Variants in ASCC1 observed in about 807,000 individuals in gnomAD.
ASCC1 encodes ASC-1 complex subunit P50.
A neutral mutation model predicts 46.6 loss-of-function variants in ASCC1; 35 were observed. The ratio of observed to expected loss-of-function variants is 0.75; its 90% CI spans 0.57 to 0.99. ASCC1 has a LOEUF of 0.99. Ranked by LOEUF, ASCC1 falls within the 50% of genes least tolerant of loss-of-function variation. The pLI is 0.00. For missense variants in ASCC1, 376 were observed against 428.7 expected, an observed-to-expected ratio of 0.88 and a Z score of 1.09; for synonymous variants, 143 against 146.6, an observed-to-expected ratio of 0.98 and a Z score of 0.18.
At chr10:72,171,541 C>G (rs975437270) in intron 5 of ASCC1, among the ~76,000 whole-genome samples, 9 of 152,160 alleles carry the variant, frequency 5.9e-5, no homozygotes, top group Admixed American at 3.9e-4. Flanking sequence ...ATTCTCCTAC[C>G]TCAGCCTCCT....
Position 72,128,085 on chromosome 10 carries a change from T to C in ASCC1, c.954A>G (p.Leu318=), listed in dbSNP as rs1288705220. The change falls in exon 9 of 10, where the codon TTA becomes TTG. Residue 318 remains leucine (L), a synonymous_variant. Transcript: ENST00000672957. Reference sequence around the variant, plus strand: ...ATTCACTCTGCTTCATACTGACCTTTAAAATATTTCGGCCATCAAATGATT... The same window carrying C: ...ATTCACTCTGCTTCATACTGACCTTCAAAATATTTCGGCCATCAAATGATT... The part of the protein sequence containing the change: ...ERESFDGRNI[L]KLFENFYFGS... 1 of 1,613,398 alleles carries C rather than the reference T, an allele frequency of 6.2e-7. No homozygotes were observed. Among genetic ancestry groups the C allele is most frequent in the East Asian group, 2.2e-5 (1 of 44,856 alleles).
At chr10:72,216,477 CCCG>C (rs1288570850), upstream of ASCC1, among the ~76,000 whole-genome samples, 2 of 5,140 alleles carry the variant, frequency 3.9e-4, no homozygotes, top group African/African-American at 1.6e-3. Flanking sequence ...CCGCCCCGTT[CCCG>C]CCCCCCCCCC....
In ASCC1 at chr10:72,170,475, G is replaced by A. The variant is rs200238748; in HGVS notation, c.490-8801C>T. The stretch of plus-strand genomic sequence containing the variant: ...TCAAGAAAGACAAAGAGCCGGCGTG[G>A]CACCGTGCCTGGAATCCTGGCTACT... On this transcript the variant is annotated intron_variant, in intron 5 of 9. Transcript: ENST00000672957. 2.1e-4 allele frequency among the ~76,000 whole-genome samples: 32 copies of A among 151,952 alleles called. No individual in the cohort carries two copies. In the East Asian group the frequency reaches 6.0e-3, roughly 29 times the overall value.
At chr10:72,102,521 T>C in intron 9 of ASCC1, 1 of 869,978 alleles carries the variant, frequency 1.1e-6, no homozygotes. Context: ...CTTTTTTGTC[T>C]ATGTTACAAG....
intron 6 of ASCC1, among the ~76,000 whole-genome samples, chr10:72,160,227 C>G (rs1032655483): frequency 2.1e-4 from 32 of 152,010 alleles, no homozygotes; most frequent in African/African-American, 5.3e-4. Context: ...TACAACATAA[C>G]TAGAGAAAAA....
At chr10:72,152,820 G>A in intron 7 of ASCC1, 49 bp downstream of exon 7, 1 of 1,610,596 alleles carries the variant, frequency 6.2e-7, no homozygotes. Flanking sequence ...TTTTGAGGAT[G>A]CTTTTAGGTA....
intron 9 of ASCC1, among the ~76,000 whole-genome samples, 163 bp from the exon 10 acceptor site, chr10:72,097,613 G>T (rs144669499): frequency 4.6e-5 from 7 of 152,322 alleles, no homozygotes; most frequent in African/African-American, 1.7e-4. Flanking sequence ...GGAGAGGAGG[G>T]ATGGGGGTGG....
intron 9 of ASCC1, among the ~76,000 whole-genome samples, chr10:72,103,859 A>G (rs1842064265): frequency 6.6e-6 from 1 of 152,140 alleles, no homozygotes; most frequent in South Asian, 2.1e-4. Context: ...ATACTTCTCC[A>G]TGACAGTCAA....
intron 5 of ASCC1, among the ~76,000 whole-genome samples, chr10:72,176,916 T>C (rs1851926262): frequency 6.6e-6 from 1 of 151,822 alleles, no homozygotes; most frequent in Admixed American, 6.6e-5. Context: ...TCAGCTCCCT[T>C]ATCAAGCCTT....
chr10:72,167,656 T>A (rs1254183183), intron 5 of ASCC1, among the ~76,000 whole-genome samples: 1 of 150,320 alleles, frequency 6.7e-6, no homozygotes, highest in East Asian at 1.9e-4. Context: ...TTTTTTTTTT[T>A]AAGACAAGGT....
intron 5 of ASCC1, among the ~76,000 whole-genome samples, chr10:72,195,396 G>A (rs948493566): frequency 8.6e-5 from 13 of 151,608 alleles, no homozygotes; most frequent in Non-Finnish European, 1.3e-4. Flanking sequence ...CAATCTACCT[G>A]CCTCAGCCCT....
chr10:72,216,015 C>CCGCCTTCGGTG (rs1859187823), intron 1 of ASCC1, 192 bp downstream of exon 1: 1 of 152,358 alleles, frequency 6.6e-6, no homozygotes, highest in Admixed American at 6.5e-5. Flanking sequence ...CGCGCGCACG[C>CCGCCTTCGGTG]CGCCTTCGCC....
chr10:72,156,735 G>A (rs1301515051), intron 6 of ASCC1, among the ~76,000 whole-genome samples: 1 of 147,084 alleles, frequency 6.8e-6, no homozygotes, highest in Non-Finnish European at 1.5e-5. Context: ...TCTCGCCACT[G>A]CACTCCAGCC....
At chr10:72,194,991 C>A (rs1855145452) in intron 5 of ASCC1, among the ~76,000 whole-genome samples, 1 of 152,070 alleles carries the variant, frequency 6.6e-6, no homozygotes. Context: ...ATCAACCCAC[C>A]TCAGCCTCCC....
intron 3 of ASCC1, among the ~76,000 whole-genome samples, chr10:72,207,815 A>AT (rs34399551): frequency 0.039 from 5,772 of 146,478 alleles, 289 homozygotes; most frequent in African/African-American, 0.11. Flanking sequence ...AAATCTTAGT[A>AT]TTTTTTTTTT....
intron 5 of ASCC1, among the ~76,000 whole-genome samples, chr10:72,184,071 G>C (rs368336401): frequency 5.1e-4 from 77 of 152,214 alleles, no homozygotes; most frequent in African/African-American, 1.8e-3. Context: ...TTGAACCGGG[G>C]AGGCGGAGGT....
intron 5 of ASCC1, among the ~76,000 whole-genome samples, chr10:72,187,620 T>C (rs1042132828): frequency 4.1e-5 from 6 of 145,532 alleles, no homozygotes; most frequent in African/African-American, 1.5e-4. Context: ...CTCGGGAAGC[T>C]GAGACAGGAG....
At chr10:72,126,950 C>G (rs146891433) in intron 9 of ASCC1, among the ~76,000 whole-genome samples, 1 of 152,184 alleles carries the variant, frequency 6.6e-6, no homozygotes, top group Non-Finnish European at 1.5e-5. Context: ...ATGCCTGAGA[C>G]GATGGCTGAC....
At chr10:72,185,312 A>G (rs1853289937) in intron 5 of ASCC1, among the ~76,000 whole-genome samples, 1 of 152,236 alleles carries the variant, frequency 6.6e-6, no homozygotes, top group African/African-American at 2.4e-5. Flanking sequence ...TACTGAACAC[A>G]AAGATTTCTG....
Sources: gnomAD v4.1 joint callset for allele counts (sites outside exome capture counted in the v4.1 genomes callset) on GRCh38, gnomAD v4.1.1 for gene constraint, MANE v1.5 for transcripts, NCBI Gene and HGNC (gene_info 2026-07-23, HGNC 2026-07-21) for gene names.